Variants in FGF13 observed in about 807,000 individuals in gnomAD.
FGF13 encodes the protein fibroblast growth factor homologous factor 2.
FGF13 carries 2 observed loss-of-function variants against 19.5 expected under a neutral mutation model. That is an observed-to-expected ratio of 0.10 (90% CI 0.04 to 0.32). The LOEUF is 0.32. Ranked by LOEUF, FGF13 falls within the 10% of genes least tolerant of loss-of-function variation. FGF13 has a pLI of 1.00. For synonymous variants in FGF13, 72 were observed against 76.9 expected (o/e 0.94, Z 0.33); for missense variants, 113 against 192.7 (o/e 0.59, Z 2.45).
chrX:138,664,708 G>T lies in FGF13; in HGVS notation c.403-29053C>A, dbSNP rs974241544. Among the ~76,000 whole-genome samples, 3 of 111,196 alleles carry T rather than the reference G, an allele frequency of 2.7e-5. 1 individual carries two copies. The highest frequency in any genetic ancestry group is 1.9e-4 in the Admixed American group (2 of 10,468). On this transcript the variant is annotated intron_variant, in intron 3 of 4. Transcript: ENST00000315930. ...CCACATAAGGCTGAGAAAAAAATGAGTTTATTTCTTTTTAAAAGAAGCAGT... is the reference window on the plus strand; with the variant it reads ...CCACATAAGGCTGAGAAAAAAATGATTTTATTTCTTTTTAAAAGAAGCAGT...
chrX:138,694,986 AACACACACACAC>A lies in FGF13; in HGVS notation c.402+7986_402+7997del, dbSNP rs745359063. 2.8e-3 allele frequency among the ~76,000 whole-genome samples: 240 copies of A among 84,752 alleles called. 1 individual carries two copies. The highest frequency in any genetic ancestry group is 7.3e-3 in the African/African-American group (164 of 22,612). 73.6% of individuals were successfully genotyped at this position (84,752 alleles called of 115,157 possible). ...TCCCAGTGGATTATTTACTAGTTGA[AACACACACACAC>A]ACACACACACACACACACACACACA... On this transcript the variant is annotated intron_variant, in intron 3 of 4. Transcript: ENST00000315930.
rs1256320919 is a variant in FGF13, at chrX:138,624,777, G to A, written c.*8073C>T. 1 of 111,359 alleles carries A rather than the reference G, an allele frequency of 9.0e-6. No individual in the cohort carries two copies. The highest frequency in any genetic ancestry group is 9.5e-5 in the Admixed American group (1 of 10,482). The allele number at this position is 111,359 out of a possible 1,213,427, so 9.2% of individuals were successfully genotyped here. A position where few individuals can be genotyped will look rare whatever the true frequency, so the allele number is the denominator to read the frequency against. On this transcript the variant is annotated 3_prime_UTR_variant, in exon 5 of 5. Transcript: ENST00000315930. ...ATCCTGGGGAGGTCAAGGCTGTGGT[G>A]AGACATGATCACACCACTGCACTCC...
intron 3 of FGF13, among the ~76,000 whole-genome samples, chrX:138,765,424 A>T (rs1164876369): frequency 9.0e-6 from 1 of 111,588 alleles, no homozygotes; most frequent in Non-Finnish European, 1.9e-5. Flanking sequence ...CTTATTTGAC[A>T]TAGAAAGCTA....
chrX:139,054,861 A>AGTGTTGTGTTGTGTTGTGTTGTGTT (rs57605613), intron 1 of FGF13, among the ~76,000 whole-genome samples: 2 of 81,964 alleles, frequency 2.4e-5, no homozygotes, highest in Non-Finnish European at 4.7e-5. Flanking sequence ...TATATTCCTA[A>AGTGTTGTGTTGTGTTGTGTTGTGTT]GTGTTGTGTT....
In FGF13 at chrX:138,849,164, G is replaced by A. The variant is rs751055826; in HGVS notation, c.217+8348C>T. Among the ~76,000 whole-genome samples the A allele has an allele frequency of 3.6e-5, 4 of 111,626 alleles. No individual in the cohort carries two copies. The East Asian group carries it at 1.1e-3, about 32-fold the overall frequency. Reference sequence around the variant, plus strand: ...TTTCCCAAAGTGTTACTTGGAAGATGTTCATCTGTATTATCAGTAAAAGGG... The same window carrying A: ...TTTCCCAAAGTGTTACTTGGAAGATATTCATCTGTATTATCAGTAAAAGGG... On this transcript the variant is annotated intron_variant, in intron 3 of 6. Coordinates refer to the FGF13 transcript ENST00000436198.
intron 4 of FGF13, among the ~76,000 whole-genome samples, chrX:138,633,949 G>A: frequency 9.0e-6 from 1 of 111,404 alleles, no homozygotes; most frequent in African/African-American, 3.3e-5. Flanking sequence ...TCTTACCTCA[G>A]GCTAGTAATC....
chrX:138,853,184 T>A (rs2091234362), downstream of FGF13, among the ~76,000 whole-genome samples: 1 of 112,002 alleles, frequency 8.9e-6, no homozygotes, highest in Admixed American at 9.5e-5. Context: ...TTTATTCAAC[T>A]ATTAATTCAA....
chrX:139,111,798 C>T (rs1382436807), intron 1 of FGF13, among the ~76,000 whole-genome samples: 10 of 112,079 alleles, frequency 8.9e-5, no homozygotes, highest in Non-Finnish European at 1.7e-4. Flanking sequence ...AAAATGAGCA[C>T]AACGAATACC....
At chrX:138,746,125 T>C (rs2090353676) in intron 3 of FGF13, among the ~76,000 whole-genome samples, 1 of 111,412 alleles carries the variant, frequency 9.0e-6, no homozygotes, top group Non-Finnish European at 1.9e-5. Context: ...AGGAGAGGGT[T>C]TGGGAGGTAC....
At chrX:139,135,143 AG>A (rs2083789788) in intron 1 of FGF13, among the ~76,000 whole-genome samples, 1 of 112,470 alleles carries the variant, frequency 8.9e-6, no homozygotes. Context: ...TTACTCTGGT[AG>A]AGAGCAGTGC....
chrX:138,913,364 A>G (rs2124229712), intron 1 of FGF13, among the ~76,000 whole-genome samples: 2 of 107,753 alleles, frequency 1.9e-5, no homozygotes, highest in South Asian at 8.3e-4. Flanking sequence ...ACGGGGTTTC[A>G]CCATACTGGC....
rs963971788 is a variant in FGF13 at position 138,616,872 on chromosome X, C to T, written c.*15978G>A. The T allele has an allele frequency of 4.5e-5, 5 of 112,043 alleles. No homozygotes were observed. Among genetic ancestry groups the T allele is most frequent in the Non-Finnish European group, 9.4e-5 (5 of 53,234 alleles). The allele number at this position is 112,043 out of a possible 1,213,427, so 9.2% of individuals were successfully genotyped here. A position where few individuals can be genotyped will look rare whatever the true frequency, so the allele number is the denominator to read the frequency against. ...GGATTGCACTCTCTGAAACAATGGC[C>T]TGAGCTGTATGTTGGCCCCTTTTAG... On this transcript the variant is annotated 3_prime_UTR_variant, in exon 5 of 5. Coordinates refer to ENST00000315930, the MANE Select transcript of FGF13 (RefSeq NM_004114.5).
intron 1 of FGF13, among the ~76,000 whole-genome samples, chrX:139,167,694 A>G (rs140086100): frequency 2.7e-4 from 30 of 112,284 alleles, no homozygotes; most frequent in Non-Finnish European, 4.3e-4. Flanking sequence ...CATAAGTGAT[A>G]ACTGCACTGA....
At chrX:138,894,686 A>C (rs192010883) in intron 1 of FGF13, among the ~76,000 whole-genome samples, 1 of 111,234 alleles carries the variant, frequency 9.0e-6, no homozygotes, top group East Asian at 2.8e-4. Context: ...CAACCAAAAA[A>C]AAAAGTCCAG....
chrX:138,967,161 T>C (rs2091898451), intron 1 of FGF13, among the ~76,000 whole-genome samples: 1 of 108,838 alleles, frequency 9.2e-6, no homozygotes, highest in Non-Finnish European at 1.9e-5. Flanking sequence ...AATTGTTAAA[T>C]ATTCCACATT....
At chrX:138,711,731 C>T (rs1392130070), upstream of FGF13, 27 of 743,130 alleles carry the variant, frequency 3.6e-5, no homozygotes, top group Non-Finnish European at 4.3e-5. Context: ...CTCCTTGCAG[C>T]CCCCTCCCGC....
chrX:138,766,089 C>A lies in FGF13; in HGVS notation c.218-57161G>T, dbSNP rs185925111. Among the ~76,000 whole-genome samples the A allele has an allele frequency of 1.9e-4, 21 of 112,152 alleles. No homozygotes were observed. The East Asian group carries it at 5.1e-3, about 27-fold the overall frequency. On this transcript the variant is annotated intron_variant, in intron 3 of 6. Coordinates refer to the FGF13 transcript ENST00000436198. Reference sequence around the variant, plus strand: ...ACATAACTGACTTAATTCTTTCTCACCGATCCCCACTGTAGCCTGTACCTT... The same window carrying A: ...ACATAACTGACTTAATTCTTTCTCAACGATCCCCACTGTAGCCTGTACCTT...
chrX:138,994,088 T>G lies in FGF13; in HGVS notation c.-112-129438A>C, dbSNP rs1432337308. On this transcript the variant is annotated intron_variant, in intron 1 of 2. Coordinates refer to the FGF13 transcript ENST00000421460. ...TTTTGCTGTTGTCATTTTGTTTTAG[T>G]CTGATCAGACTGCTATAACAAAACA... Among the ~76,000 whole-genome samples, 6 of 111,853 alleles carry G rather than the reference T, an allele frequency of 5.4e-5. No homozygotes were observed. The East Asian group carries it at 1.4e-3, about 26-fold the overall frequency.
chrX:139,136,212 T>G (rs980950636), intron 1 of FGF13, among the ~76,000 whole-genome samples: 1 of 111,670 alleles, frequency 9.0e-6, no homozygotes, highest in Non-Finnish European at 1.9e-5. Flanking sequence ...TATATTTTTT[T>G]ATTTAAATAG....
Sources: allele counts gnomAD v4.1 joint callset (sites outside exome capture counted in the v4.1 genomes callset), GRCh38; gene constraint gnomAD v4.1.1; transcripts MANE v1.5; gene names NCBI Gene and HGNC (gene_info 2026-07-23, HGNC 2026-07-21).